WDFY4: variants seen among roughly 807,000 people sequenced by gnomAD.
WDFY4 encodes WDFY family member 4.
In WDFY4, 169 loss-of-function variants were observed where a neutral mutation model predicts 351.9. The observed-to-expected ratio is 0.48, with a 90% confidence interval of 0.42 to 0.55. The LOEUF (loss-of-function observed/expected upper bound fraction) is 0.55. Ranked by LOEUF, WDFY4 falls within the 20% of genes least tolerant of loss-of-function variation. The pLI is 0.00. For missense variants in WDFY4, 3,803 were observed against 3,935.6 expected (o/e 0.97, Z 0.90); for synonymous variants, 1,622 against 1,574.6 (o/e 1.03, Z -0.71).
chr10:48,732,298 A>G (rs1298698645), intron 9 of WDFY4, among the ~76,000 whole-genome samples: 1 of 152,082 alleles, frequency 6.6e-6, no homozygotes, highest in East Asian at 1.9e-4. Context: ...CAAAGTGTGG[A>G]AACTCCTTCC....
intron 60 of WDFY4, 98 bp downstream of exon 60, chr10:48,978,491 GT>G: frequency 8.2e-7 from 1 of 1,214,950 alleles, no homozygotes; most frequent in Non-Finnish European, 1.1e-6. Context: ...CTCCTCCCAG[GT>G]CTGCCCAGCC....
chr10:48,964,453 C>T (rs375728237), intron 54 of WDFY4, among the ~76,000 whole-genome samples: 1 of 152,374 alleles, frequency 6.6e-6, no homozygotes, highest in East Asian at 1.9e-4. Context: ...TCATTGAAAT[C>T]TCTCGTGAGC....
chr10:48,781,280 G>C (rs868189808), intron 19 of WDFY4, among the ~76,000 whole-genome samples: 1 of 147,936 alleles, frequency 6.8e-6, no homozygotes, highest in East Asian at 2.0e-4. Flanking sequence ...ATATATATAT[G>C]TGTGTGTGTG....
intron 47 of WDFY4, among the ~76,000 whole-genome samples, chr10:48,906,882 A>G (rs1252617018): frequency 6.6e-6 from 1 of 152,178 alleles, no homozygotes; most frequent in Non-Finnish European, 1.5e-5. Context: ...AAAACAAACA[A>G]TCATATTGGC....
At chr10:48,688,417 C>A (rs1044091717) in intron 1 of WDFY4, among the ~76,000 whole-genome samples, 16 of 152,108 alleles carry the variant, frequency 1.1e-4, no homozygotes, top group African/African-American at 3.6e-4. Context: ...AATGACTTTT[C>A]CAATTCATAA....
intron 52 of WDFY4, 43 bp downstream of exon 52, chr10:48,957,325 G>T (rs1841641353): frequency 3.3e-6 from 5 of 1,537,202 alleles, no homozygotes; most frequent in South Asian, 1.2e-5. Flanking sequence ...GCGTTGCAGG[G>T]TGCTCTTTCC....
intron 47 of WDFY4, among the ~76,000 whole-genome samples, chr10:48,911,883 C>G (rs1838038258): frequency 6.6e-6 from 1 of 152,154 alleles, no homozygotes; most frequent in African/African-American, 2.4e-5. Flanking sequence ...GTTGTCATAG[C>G]TAAGCATTAC....
chr10:48,958,997 G>A (rs1300188321), intron 52 of WDFY4, among the ~76,000 whole-genome samples: 1 of 152,176 alleles, frequency 6.6e-6, no homozygotes, highest in Non-Finnish European at 1.5e-5. Context: ...GCCATCATAT[G>A]CCTGACGTCA....
In WDFY4 at chr10:48,731,601, G is replaced by A; in HGVS notation, c.1582+39G>A. ...CATTGGGAGGGATGGGCAGGGGTCA[G>A]TGTCAGCCAGGCCTGACCTTTGGGC... On this transcript the variant is annotated intron_variant, in intron 9 of 61. Transcript: ENST00000325239. The A allele has an allele frequency of 2.0e-6, 3 of 1,526,690 alleles. No individual in the cohort carries two copies. The South Asian group carries it at 3.7e-5, about 19-fold the overall frequency. 94.6% of individuals were successfully genotyped at this position (1,526,690 alleles called of 1,614,324 possible).
In WDFY4 at chr10:48,787,986, C is replaced by CTT. The variant is rs2066541964; in HGVS notation, c.3809-544_3809-543insTT. ...TTCTTCTTCTTCTTCTTCTTCTTCT[C>CTT]CTTCTCCTTCTCCTTCTCCTTCTCC... is the stretch of plus-strand genomic sequence containing the variant. On this transcript the variant is annotated intron_variant, in intron 20 of 61. Transcript: ENST00000325239. 6.4e-4 allele frequency among the ~76,000 whole-genome samples: 42 copies of CTT among 65,516 alleles called. 1 individual carries two copies. The highest frequency in any genetic ancestry group is 9.1e-4 in the Non-Finnish European group (30 of 33,142). The allele number at this position is 65,516 out of a possible 152,430, so 43.0% of individuals were successfully genotyped here.
chr10:48,811,005 G>A (rs976073589), intron 29 of WDFY4, among the ~76,000 whole-genome samples: 1 of 152,136 alleles, frequency 6.6e-6, no homozygotes, highest in Admixed American at 6.5e-5. Flanking sequence ...TGTATACTCT[G>A]CTTCCTCTTC....
Position 48,726,045 on chromosome 10 carries a change from C to T in WDFY4, c.756C>T (p.Asn252=). 6 of 1,550,418 alleles carry T rather than the reference C, an allele frequency of 3.9e-6. No individual in the cohort carries two copies. The highest frequency in any genetic ancestry group is 2.0e-5 in the Admixed American group (1 of 51,004). Residue 252 remains asparagine (N), a synonymous_variant, in exon 6 of 62, where the codon AAC becomes AAT. Transcript: ENST00000325239. ...TAAGGGCAATCTCCAAGGCCCAGAA[C>T]CTCAGCATCATCCAGTACCTGCAGG... is the stretch of plus-strand genomic sequence containing the variant. ...CVLRAISKAQ[N]LSIIQYLQAT... is the part of the protein sequence containing the mutation.
In WDFY4 at chr10:48,810,609, A is replaced by C. The variant is rs944746152; in HGVS notation, c.4918A>C (p.Thr1640Pro). The C allele has an allele frequency of 1.3e-6, 2 of 1,551,062 alleles. No homozygotes were observed. Among genetic ancestry groups the C allele is most frequent in the Middle Eastern group, 1.8e-4 (1 of 5,696 alleles). ...LLQGHLHASTTVLALKLLLYF... is the reference protein window; with the variant it reads ...LLQGHLHASTPVLALKLLLYF... ...GCAGGGCCACCTGCATGCCAGCACC[A>C]CTGTGCTGGCATTGAAGCTGCTGCT... Residue 1640 changes from threonine to proline, a missense_variant, in exon 29 of 62, where the codon ACT becomes CCT. This residue lies in a region of WDFY4 where 3,054 missense variants were observed against 3,148.6 expected (regional missense o/e 0.97). Coordinates refer to ENST00000325239, the MANE Select transcript of WDFY4 (RefSeq NM_001394531.1).
rs1461498742 is a variant in WDFY4 at position 48,957,120 on chromosome 10, T to A, written c.7978-9T>A. On this transcript the variant is annotated splice_polypyrimidine_tract_variant and intron_variant, in intron 51 of 61. Coordinates refer to ENST00000325239, the MANE Select transcript of WDFY4 (RefSeq NM_001394531.1). ...GAGCGGCTGGTCATGTTGGCTCCATTTCCCCCAGGGCGGAAGCTTCGACGT... is the reference window on the plus strand; with the variant it reads ...GAGCGGCTGGTCATGTTGGCTCCATATCCCCCAGGGCGGAAGCTTCGACGT... 7 of 1,546,434 alleles carry A rather than the reference T, an allele frequency of 4.5e-6. No individual in the cohort carries two copies. The highest frequency in any genetic ancestry group is 1.2e-5 in the South Asian group (1 of 83,974).
intron 39 of WDFY4, among the ~76,000 whole-genome samples, chr10:48,833,141 A>ATGTGTGTGTG (rs1227956041): frequency 1.3e-4 from 18 of 141,712 alleles, no homozygotes; most frequent in African/African-American, 4.1e-4. Context: ...GGCACCAACA[A>ATGTGTGTGTG]TGTGTGTGTG....
chr10:48,869,960 T>A (rs2069700867), intron 40 of WDFY4, among the ~76,000 whole-genome samples: 2 of 152,254 alleles, frequency 1.3e-5, no homozygotes, highest in African/African-American at 4.8e-5. Context: ...CTTGTTTTAC[T>A]GAAGAATGCA....
rs2066009201 is a variant in WDFY4, at chr10:48,775,712, A to G, written c.2769A>G (p.Arg923=). 15 of 1,551,370 alleles carry G rather than the reference A, an allele frequency of 9.7e-6. No individual in the cohort carries two copies. Among genetic ancestry groups the G allele is most frequent in the African/African-American group, 1.4e-5 (1 of 73,018 alleles). The change falls in exon 15 of 62, where the codon AGA becomes AGG. Residue 923 remains arginine, a splice_region_variant and synonymous_variant. Transcript: ENST00000325239. ...ASQAIEPDVL[R]QFLGLGIPSS... ...TTTTCCTCTTGTATGTTATGTTCAG[A>G]CAGTTTCTAGGTCTTGGAATTCCCT...
At chr10:48,782,015 A>C (rs987737354) in intron 19 of WDFY4, among the ~76,000 whole-genome samples, 1 of 152,216 alleles carries the variant, frequency 6.6e-6, no homozygotes, top group Non-Finnish European at 1.5e-5. Context: ...GGTGATTTTT[A>C]AAAGGGTTTA....
intron 47 of WDFY4, among the ~76,000 whole-genome samples, chr10:48,927,623 T>G (rs542957128): frequency 7.9e-5 from 12 of 152,340 alleles, no homozygotes; most frequent in African/African-American, 2.6e-4. Context: ...CTGCCCCTAG[T>G]ATTATTTACT....
Sources: gnomAD v4.1 joint callset for allele counts (sites outside exome capture counted in the v4.1 genomes callset) on GRCh38, gnomAD v4.1.1 for gene constraint, gnomAD v4.1.1 regional missense constraint, MANE v1.5 for transcripts, NCBI Gene and HGNC (gene_info 2026-07-23, HGNC 2026-07-21) for gene names.